The following PRUNE2 variants were observed in gnomAD, a reference collection of about 807,000 sequenced individuals.
PRUNE2 encodes protein prune homolog 2.
A neutral mutation model predicts 252.0 loss-of-function variants in PRUNE2; 164 were observed. That is an observed-to-expected ratio of 0.65 (90% CI 0.57 to 0.74). The LOEUF (loss-of-function observed/expected upper bound fraction) is 0.74. Among genes scored for constraint, PRUNE2 ranks in the 30% least tolerant of loss-of-function variants. The pLI is 0.00. For synonymous variants in PRUNE2, 1,292 were observed against 1,350.2 expected (o/e 0.96, Z 0.94); for missense variants, 3,495 against 3,711.0 (o/e 0.94, Z 1.51).
In PRUNE2 at chr9:76,706,002, G is replaced by T; in HGVS notation, c.6272C>A (p.Thr2091Lys). 6.2e-7 allele frequency: 1 copy of T among 1,614,022 alleles called. No homozygotes were observed. Among genetic ancestry groups the T allele is most frequent in the Non-Finnish European group, 8.5e-7 (1 of 1,179,886 alleles). Reference sequence around the variant, plus strand: ...AGAATTGCTGTCATGTTCGCAGTGCGTCAGGATATCAGGATTCTCACCATC... The same window carrying T: ...AGAATTGCTGTCATGTTCGCAGTGCTTCAGGATATCAGGATTCTCACCATC... ...KADGENPDILTHCEHDSNSQA... is the reference protein window; with the variant it reads ...KADGENPDILKHCEHDSNSQA... The change falls in exon 8 of 19, where the codon ACG (threonine) becomes AAG (lysine). Residue 2091 changes from threonine (T) to lysine (K), a missense_variant. Thr to Lys is a moderately conservative substitution (Grantham distance 78). Coordinates refer to ENST00000376718, the MANE Select transcript of PRUNE2 (RefSeq NM_015225.3).
intron 6 of PRUNE2, chr9:76,785,733 C>CTG (rs10681024): frequency 0.27 from 39,659 of 149,500 alleles, 5,298 homozygotes; most frequent in African/African-American, 0.32. Context: ...GTTAAGAGCT[C>CTG]TGTGTGTGTG....
rs201591998 is a variant in PRUNE2 at position 76,647,994 on chromosome 9, AT to A, written c.8558-3086del. 4.1e-3 allele frequency among the ~76,000 whole-genome samples: 620 copies of A among 152,262 alleles called. 1 individual carries two copies. Among genetic ancestry groups the A allele is most frequent in the African/African-American group, 0.013 (556 of 41,558 alleles). The stretch of plus-strand genomic sequence containing the variant: ...CAACAACAACAACAAAAACTCAACA[AT>A]AAGAAAATGGGCAAAAGACCTGGAC... On this transcript the variant is annotated intron_variant, in intron 11 of 18. Transcript: ENST00000376718.
intron 6 of PRUNE2, among the ~76,000 whole-genome samples, chr9:76,750,942 T>G (rs145527264): frequency 6.6e-6 from 1 of 152,142 alleles, no homozygotes; most frequent in Non-Finnish European, 1.5e-5. Flanking sequence ...GCAAAAGGCA[T>G]GGGAATTCAC....
intron 9 of PRUNE2, among the ~76,000 whole-genome samples, chr9:76,663,307 G>C (rs1025294091): frequency 1.3e-5 from 2 of 152,228 alleles, no homozygotes; most frequent in African/African-American, 4.8e-5. Context: ...GCAGGGAGAA[G>C]CATCTTAGAA....
At chr9:76,792,377 T>G (rs2055637160) in intron 6 of PRUNE2, among the ~76,000 whole-genome samples, 1 of 152,162 alleles carries the variant, frequency 6.6e-6, no homozygotes. Flanking sequence ...CCTCTTTCTT[T>G]TATAAACTAC....
At chr9:76,889,221 G>A (rs2062305940) in intron 1 of PRUNE2, among the ~76,000 whole-genome samples, 1 of 152,126 alleles carries the variant, frequency 6.6e-6, no homozygotes, top group Non-Finnish European at 1.5e-5. Context: ...TGTTTTGTAT[G>A]AGAAAAGCAT....
At chr9:76,808,229 T>A (rs930624004) in intron 6 of PRUNE2, among the ~76,000 whole-genome samples, 1 of 152,208 alleles carries the variant, frequency 6.6e-6, no homozygotes, top group Non-Finnish European at 1.5e-5. Context: ...TTTGCTTTGT[T>A]TTAAATTTCT....
intron 1 of PRUNE2, among the ~76,000 whole-genome samples, chr9:76,901,202 T>A (rs903652531): frequency 4.6e-5 from 7 of 152,174 alleles, no homozygotes. Context: ...GATCTGGCAG[T>A]GAGAAATGAA....
chr9:76,850,824 ATAGAG>A (rs111947443), intron 2 of PRUNE2, among the ~76,000 whole-genome samples, 159 bp from the exon 3 acceptor site: 13,005 of 152,058 alleles, frequency 0.086, 736 homozygotes, highest in African/African-American at 0.16. Context: ...AACCCAATTA[ATAGAG>A]TATTTTCCTC....
rs556316170 is a variant in PRUNE2 at position 76,860,750 on chromosome 9, C to T, written c.37-6542G>A. On this transcript the variant is annotated intron_variant, in intron 1 of 18. Transcript: ENST00000376718. The stretch of plus-strand genomic sequence containing the variant: ...CTAAAGTGGGGGCACATTTCTTGGT[C>T]CCTCATTTCTAACCAAAAAAATGAA... 2.6e-5 allele frequency among the ~76,000 whole-genome samples: 4 copies of T among 152,296 alleles called. No individual in the cohort carries two copies. The East Asian group carries it at 7.7e-4, about 29-fold the overall frequency.
chr9:76,665,740 A>C lies in PRUNE2; in HGVS notation c.8277-10238T>G, dbSNP rs1212898104. ...CCACATAGTGAAACTTGACCATAAA[A>C]ATTATCTTCCAGGCCAGGCGTGGTG... is the stretch of plus-strand genomic sequence containing the variant. On this transcript the variant is annotated intron_variant, in intron 9 of 18. Coordinates refer to ENST00000376718, the MANE Select transcript of PRUNE2 (RefSeq NM_015225.3). 2.0e-5 allele frequency among the ~76,000 whole-genome samples: 3 copies of C among 152,174 alleles called. No homozygotes were observed. In the East Asian group the frequency reaches 5.8e-4, roughly 30 times the overall value.
At chr9:76,639,363 C>T (rs146808612) in intron 12 of PRUNE2, among the ~76,000 whole-genome samples, 12 of 152,136 alleles carry the variant, frequency 7.9e-5, no homozygotes, top group African/African-American at 2.4e-4. Flanking sequence ...TGGTGGCACA[C>T]GCCTGTAATC....
At chr9:76,879,552 G>C (rs541289176) in intron 1 of PRUNE2, among the ~76,000 whole-genome samples, 7 of 152,164 alleles carry the variant, frequency 4.6e-5, no homozygotes, top group African/African-American at 1.7e-4. Context: ...TAAATGAAAT[G>C]TGTAACATAT....
At chr9:76,857,192 G>A (rs555167586) in intron 1 of PRUNE2, 1 of 452,536 alleles carries the variant, frequency 2.2e-6, no homozygotes, top group Non-Finnish European at 4.4e-6. Flanking sequence ...CAGTTTCCAG[G>A]CTTCAGCACT....
chr9:76,783,456 A>G (rs541502939), intron 6 of PRUNE2, among the ~76,000 whole-genome samples: 21 of 152,092 alleles, frequency 1.4e-4, no homozygotes, highest in Non-Finnish European at 2.8e-4. Context: ...GACCTGTGGG[A>G]TCTCTAGAGG....
chr9:76,641,176 T>C (rs1158955449), intron 12 of PRUNE2, among the ~76,000 whole-genome samples: 2 of 152,100 alleles, frequency 1.3e-5, no homozygotes, highest in Non-Finnish European at 2.9e-5. Flanking sequence ...GTAAGAAATG[T>C]CTCGATATAA....
rs766084202 is a variant in PRUNE2, at chr9:76,637,411, C to T, written c.8963+7G>A. On this transcript the variant is annotated splice_region_variant and intron_variant, in intron 14 of 18. Transcript: ENST00000376718. ...AAAATAGTGATTAAATAATAGAGCC[C>T]ACATACCGTCTGTCAATCATCTGGT... The T allele has an allele frequency of 2.5e-6, 4 of 1,613,144 alleles. No homozygotes were observed. Among genetic ancestry groups the T allele is most frequent in the Non-Finnish European group, 2.5e-6 (3 of 1,179,618 alleles).
chr9:76,716,785 C>T lies in PRUNE2; in HGVS notation c.757-3064G>A, dbSNP rs765672910. Among the ~76,000 whole-genome samples, 84 of 152,112 alleles carry T rather than the reference C, an allele frequency of 5.5e-4. 1 individual carries two copies. The highest frequency in any genetic ancestry group is 9.7e-4 in the Non-Finnish European group (66 of 68,010). On this transcript the variant is annotated intron_variant, in intron 6 of 18. Coordinates refer to ENST00000376718, the MANE Select transcript of PRUNE2 (RefSeq NM_015225.3). ...CATGGTGGTTTGCTGCACCTATTGACCCATCATCTAGATTCCCTCCCCTCG... is the reference window on the plus strand; with the variant it reads ...CATGGTGGTTTGCTGCACCTATTGATCCATCATCTAGATTCCCTCCCCTCG...
intron 6 of PRUNE2, among the ~76,000 whole-genome samples, chr9:76,794,632 A>AAAAG (rs2055900571): frequency 4.1e-5 from 5 of 122,604 alleles, no homozygotes; most frequent in African/African-American, 2.0e-4. Context: ...AAAAAAAAAG[A>AAAAG]AAAGAAAAGA....
Sources: gnomAD v4.1 joint callset for allele counts (sites outside exome capture counted in the v4.1 genomes callset) on GRCh38, gnomAD v4.1.1 for gene constraint, MANE v1.5 for transcripts, NCBI Gene and HGNC (gene_info 2026-07-23, HGNC 2026-07-21) for gene names.